The following DDC variants were observed in gnomAD, a reference collection of about 807,000 sequenced individuals.
DDC encodes aromatic-L-amino-acid decarboxylase.
Under a neutral mutation model 60.0 loss-of-function variants are expected in DDC, and 43 were observed. The ratio of observed to expected loss-of-function variants is 0.72; its 90% CI spans 0.56 to 0.92. The LOEUF (loss-of-function observed/expected upper bound fraction) is 0.92. DDC is among the 40% of genes least tolerant of loss of function. The probability of loss-of-function intolerance (pLI) is 0.00; values close to 1 mark genes in which losing one functional copy is unlikely to be tolerated. For missense variants in DDC, 573 were observed against 620.2 expected (o/e 0.92, Z 0.81); for synonymous variants, 232 against 234.6 (o/e 0.99, Z 0.10).
At chr7:50,500,032 T>C (rs2043213649) in intron 7 of DDC, among the ~76,000 whole-genome samples, 1 of 152,074 alleles carries the variant, frequency 6.6e-6, no homozygotes. Flanking sequence ...ACCCCAGCAC[T>C]GAGTAGGGGA....
intron 9 of DDC, among the ~76,000 whole-genome samples, chr7:50,493,171 G>T (rs977409545): frequency 6.6e-6 from 1 of 152,170 alleles, no homozygotes; most frequent in Admixed American, 6.5e-5. Flanking sequence ...CTGTCGTGGG[G>T]GTCCAGAGAG....
At chr7:50,514,368 A>G (rs2043669712) in intron 6 of DDC, among the ~76,000 whole-genome samples, 1 of 152,214 alleles carries the variant, frequency 6.6e-6, no homozygotes, top group African/African-American at 2.4e-5. Flanking sequence ...CAGAGCCTAC[A>G]CAAATGAGAA....
At chr7:50,477,992 A>AG (rs1357149956) in intron 10 of DDC, among the ~76,000 whole-genome samples, 1 of 152,008 alleles carries the variant, frequency 6.6e-6, no homozygotes, top group East Asian at 1.9e-4. Context: ...GCTTGAGCTC[A>AG]GGAGTTCAAG....
intron 8 of DDC, among the ~76,000 whole-genome samples, chr7:50,498,540 G>A (rs1175293094): frequency 6.6e-6 from 1 of 152,198 alleles, no homozygotes; most frequent in East Asian, 1.9e-4. Flanking sequence ...TATCAATAAG[G>A]TCATTTTTTT....
intron 1 of DDC, among the ~76,000 whole-genome samples, chr7:50,547,378 AT>A (rs113097199): frequency 2.4e-4 from 35 of 148,586 alleles, no homozygotes; most frequent in Admixed American, 4.7e-4. Flanking sequence ...CACCTGGCTA[AT>A]TTTTTTTTTG....
chr7:50,494,170 C>A (rs192331924), intron 9 of DDC, among the ~76,000 whole-genome samples: 237 of 152,208 alleles, frequency 1.6e-3, no homozygotes, highest in Middle Eastern at 3.4e-3. Context: ...TGCTTTAGTT[C>A]TTTTTCTTAT....
intron 9 of DDC, among the ~76,000 whole-genome samples, chr7:50,491,291 T>A (rs541840806): frequency 6.6e-6 from 1 of 152,332 alleles, no homozygotes; most frequent in South Asian, 2.1e-4. Flanking sequence ...TTTTCCAGGA[T>A]TGTTCTCCCT....
chr7:50,460,062 G>A (rs1476520391), intron 14 of DDC, among the ~76,000 whole-genome samples: 1 of 146,742 alleles, frequency 6.8e-6, no homozygotes, highest in Non-Finnish European at 1.5e-5. Context: ...GAGGTGGGGG[G>A]GGTCAGCCCC....
chr7:50,470,017 A>G lies in DDC; in HGVS notation c.1140+56T>C. 5 of 1,117,040 alleles carry G rather than the reference A, an allele frequency of 4.5e-6. No homozygotes were observed. In the South Asian group the frequency reaches 5.2e-5, roughly 12 times the overall value. 69.2% of individuals were successfully genotyped at this position (1,117,040 alleles called of 1,614,324 possible). A position where few individuals can be genotyped will look rare whatever the true frequency, so the allele number is the denominator to read the frequency against. Reference sequence around the variant, plus strand: ...AGAAAAAAAATTTGAATTTATTTCTAAAGTCCCGAAAGACCTCCGCAATTT... The same window carrying G: ...AGAAAAAAAATTTGAATTTATTTCTGAAGTCCCGAAAGACCTCCGCAATTT... On this transcript the variant is annotated intron_variant, in intron 12 of 14. Transcript: ENST00000444124.
chr7:50,552,844 C>T (rs1289887351), intron 1 of DDC, among the ~76,000 whole-genome samples: 6 of 152,214 alleles, frequency 3.9e-5, no homozygotes, highest in Non-Finnish European at 7.3e-5. Context: ...CAGCCCCTCA[C>T]ATATTTGCCA....
chr7:50,538,950 T>C (rs2153548788), intron 3 of DDC, among the ~76,000 whole-genome samples: 1 of 152,142 alleles, frequency 6.6e-6, no homozygotes, highest in South Asian at 2.1e-4. Flanking sequence ...CTGTGGGCTC[T>C]TCAGCCCTGC....
intron 3 of DDC, among the ~76,000 whole-genome samples, chr7:50,538,311 A>G (rs551507617): frequency 6.6e-6 from 1 of 152,278 alleles, no homozygotes; most frequent in South Asian, 2.1e-4. Context: ...GAAGGGAATG[A>G]GAAAGTGGGC....
At chr7:50,558,479 C>G (rs1291176217) in intron 1 of DDC, among the ~76,000 whole-genome samples, 2 of 152,136 alleles carry the variant, frequency 1.3e-5, no homozygotes, top group Admixed American at 1.3e-4. Context: ...TGCCCCCCTC[C>G]AAGAAAAAAT....
intron 6 of DDC, among the ~76,000 whole-genome samples, chr7:50,522,409 G>T (rs772989062): frequency 3.3e-5 from 5 of 152,146 alleles, no homozygotes; most frequent in Admixed American, 6.5e-5. Flanking sequence ...TGTGCATTTT[G>T]CTAAACTGAT....
chr7:50,532,617 A>G (rs189235611), intron 4 of DDC, among the ~76,000 whole-genome samples: 98 of 152,326 alleles, frequency 6.4e-4, no homozygotes, highest in Non-Finnish European at 1.3e-3. Context: ...CTTCATAAAT[A>G]CTTTGAGGAT....
chr7:50,479,120 G>A (rs1227139187), intron 10 of DDC, among the ~76,000 whole-genome samples: 1 of 152,194 alleles, frequency 6.6e-6, no homozygotes, highest in South Asian at 2.1e-4. Context: ...GACGACATAG[G>A]TGAAGTGCAA....
At chr7:50,544,223 G>A (rs894476765) in intron 1 of DDC, 110 bp from the exon 2 acceptor site, 6 of 812,458 alleles carry the variant, frequency 7.4e-6, no homozygotes, top group Non-Finnish European at 1.0e-5. Flanking sequence ...TGCATGCCCT[G>A]GAGGCCACTT....
At chr7:50,534,992 G>A (rs1398417458) in intron 4 of DDC, among the ~76,000 whole-genome samples, 1 of 152,184 alleles carries the variant, frequency 6.6e-6, no homozygotes, top group Non-Finnish European at 1.5e-5. Flanking sequence ...GGCCAAGGAG[G>A]CTTCTCCAGC....
intron 7 of DDC, among the ~76,000 whole-genome samples, chr7:50,503,406 C>T (rs2043305776): frequency 6.6e-6 from 1 of 152,206 alleles, no homozygotes; most frequent in South Asian, 2.1e-4. Flanking sequence ...TTTGAAAACA[C>T]AGCATCCTAG....
Sources: allele counts gnomAD v4.1 joint callset (sites outside exome capture counted in the v4.1 genomes callset), GRCh38; gene constraint gnomAD v4.1.1; transcripts MANE v1.5; gene names NCBI Gene and HGNC (gene_info 2026-07-23, HGNC 2026-07-21).